Variants in KDM7A observed in about 807,000 individuals in gnomAD.
The protein encoded by KDM7A is lysine demethylase 7A, also known as lysine-specific demethylase 7A.
A neutral mutation model predicts 114.8 loss-of-function variants in KDM7A; 28 were observed. The observed-to-expected ratio is 0.24, with a 90% CI of 0.18 to 0.33. The LOEUF is 0.33. KDM7A is among the 10% of genes least tolerant of loss of function. The pLI is 1.00. For missense variants in KDM7A, 942 were observed against 1,142.5 expected (o/e 0.82, Z 2.53); for synonymous variants, 423 against 397.8 (o/e 1.06, Z -0.75).
intron 2 of KDM7A, among the ~76,000 whole-genome samples, chr7:140,137,136 G>C (rs994685673): frequency 1.3e-5 from 2 of 152,304 alleles, no homozygotes; most frequent in African/African-American, 4.8e-5. Context: ...ACTGGATCTT[G>C]GGTGTTTTCC....
chr7:140,128,075 G>A lies in KDM7A; in HGVS notation c.560-492C>T, dbSNP rs562734745. Among the ~76,000 whole-genome samples, 8 of 152,160 alleles carry A rather than the reference G, an allele frequency of 5.3e-5. No individual in the cohort carries two copies. In the South Asian group the frequency reaches 1.7e-3, roughly 32 times the overall value. On this transcript the variant is annotated intron_variant, in intron 4 of 19. Transcript: ENST00000397560. ...GGGAATTAGCATGCAAGTTGACCAG[G>A]ATAATTTCTGCCCTCCTGATACTGT...
chr7:140,111,063 T>C (rs1295968997), intron 11 of KDM7A, 32 bp downstream of exon 11: 2 of 1,187,138 alleles, frequency 1.7e-6, no homozygotes, highest in Non-Finnish European at 2.5e-6. Flanking sequence ...CAGATAATAA[T>C]CAAGCATTTA....
chr7:140,173,288 C>A (rs1199823238), intron 1 of KDM7A, among the ~76,000 whole-genome samples: 1 of 152,096 alleles, frequency 6.6e-6, no homozygotes, highest in Non-Finnish European at 1.5e-5. Context: ...CCCTGCCTGG[C>A]AAGTGTTCTT....
intron 1 of KDM7A, among the ~76,000 whole-genome samples, chr7:140,162,071 C>T (rs1794525993): frequency 6.6e-6 from 1 of 152,098 alleles, no homozygotes; most frequent in Non-Finnish European, 1.5e-5. Flanking sequence ...CATGGTGGCT[C>T]ACACCTGTAA....
chr7:140,103,107 C>G (rs1014778737), intron 11 of KDM7A, among the ~76,000 whole-genome samples: 2 of 152,134 alleles, frequency 1.3e-5, no homozygotes, highest in Admixed American at 6.5e-5. Flanking sequence ...AAACTGTACC[C>G]ACTACACAAT....
intron 1 of KDM7A, among the ~76,000 whole-genome samples, chr7:140,164,385 T>C (rs1794552371): frequency 6.6e-6 from 1 of 152,138 alleles, no homozygotes. Flanking sequence ...GTGCAGAATG[T>C]TTAGTAGCAT....
In KDM7A at chr7:140,099,990, T is replaced by G; in HGVS notation, c.1672A>C (p.Asn558His). ...ILSSKLNGKF[N>H]KHLQPSSTVP... ...GTGGAGGATGGTTGGAGATGTTTGT[T>G]GAATTTTCCATTCAGTTTAGAGCTC... is the stretch of plus-strand genomic sequence containing the variant. The change falls in exon 13 of 20, where the codon AAC becomes CAC. Residue 558 changes from asparagine to histidine, a missense_variant. This residue lies in a region of KDM7A where 512 missense variants were observed against 576.6 expected (regional missense o/e 0.89). Transcript: ENST00000397560. The G allele has an allele frequency of 6.2e-7, 1 of 1,614,066 alleles. No homozygotes were observed. The highest frequency in any genetic ancestry group is 8.5e-7 in the Non-Finnish European group (1 of 1,179,874).
At chr7:140,091,704 G>T in intron 19 of KDM7A, 100 bp downstream of exon 19, 1 of 1,280,440 alleles carries the variant, frequency 7.8e-7, no homozygotes, top group Non-Finnish European at 1.1e-6. Flanking sequence ...CTATGCATGA[G>T]ATGTTGAACA....
At chr7:140,154,756 T>C (rs913601651) in intron 1 of KDM7A, among the ~76,000 whole-genome samples, 2 of 152,032 alleles carry the variant, frequency 1.3e-5, no homozygotes, top group African/African-American at 4.8e-5. Flanking sequence ...CCCTTTTTTT[T>C]TCCCCACAAA....
At chr7:140,132,514 A>C (rs1159379017) in intron 3 of KDM7A, among the ~76,000 whole-genome samples, 1 of 152,222 alleles carries the variant, frequency 6.6e-6, no homozygotes, top group Non-Finnish European at 1.5e-5. Context: ...CACCAGAAGC[A>C]GACTGAAAAC....
intron 9 of KDM7A, among the ~76,000 whole-genome samples, chr7:140,118,543 T>C: frequency 6.6e-6 from 1 of 151,908 alleles, no homozygotes; most frequent in Non-Finnish European, 1.5e-5. Context: ...GTAGCTGGGA[T>C]TACAGGCATG....
chr7:140,100,673 T>TATACAC (rs1451579945), intron 12 of KDM7A, among the ~76,000 whole-genome samples: 1 of 39,540 alleles, frequency 2.5e-5, no homozygotes, highest in Non-Finnish European at 4.8e-5. Flanking sequence ...TATATATATA[T>TATACAC]ATATATACAT....
chr7:140,160,711 C>A (rs562720140), intron 1 of KDM7A, among the ~76,000 whole-genome samples: 3 of 152,034 alleles, frequency 2.0e-5, no homozygotes, highest in South Asian at 2.1e-4. Context: ...CAATTGCTTA[C>A]GGGGTAAAGA....
chr7:140,141,746 T>C (rs1794280043), intron 1 of KDM7A, among the ~76,000 whole-genome samples: 1 of 151,486 alleles, frequency 6.6e-6, no homozygotes, highest in African/African-American at 2.4e-5. Flanking sequence ...ATACAAAAAT[T>C]AGCCAGGCAT....
chr7:140,152,741 G>A lies in KDM7A; in HGVS notation c.195-13551C>T, dbSNP rs573272509. ...AGCAAGCACTGGACCATTCTATTTC[G>A]AAACATACAAGTCAGGGCAATATGT... On this transcript the variant is annotated intron_variant, in intron 1 of 19. Transcript: ENST00000397560. Among the ~76,000 whole-genome samples, 15 of 152,258 alleles carry A rather than the reference G, an allele frequency of 9.9e-5. No homozygotes were observed. The South Asian group carries it at 2.9e-3, about 29-fold the overall frequency.
intron 1 of KDM7A, among the ~76,000 whole-genome samples, chr7:140,140,251 A>C (rs1794249914): frequency 6.6e-6 from 1 of 152,212 alleles, no homozygotes; most frequent in Non-Finnish European, 1.5e-5. Context: ...GGTTTTTAAC[A>C]CTAAAAATCT....
chr7:140,149,908 A>C (rs1414000080), intron 1 of KDM7A, among the ~76,000 whole-genome samples: 5 of 152,224 alleles, frequency 3.3e-5, no homozygotes, highest in Non-Finnish European at 7.3e-5. Flanking sequence ...TGAAGTGTGT[A>C]TATACATAAC....
intron 11 of KDM7A, among the ~76,000 whole-genome samples, chr7:140,110,368 T>C (rs1015641051): frequency 1.4e-4 from 21 of 152,314 alleles, no homozygotes; most frequent in Non-Finnish European, 2.6e-4. Context: ...TTCTCCTCTA[T>C]CTGAACACAT....
intron 7 of KDM7A, among the ~76,000 whole-genome samples, chr7:140,123,551 T>C (rs1024444944): frequency 5.3e-5 from 8 of 152,132 alleles, no homozygotes; most frequent in African/African-American, 9.7e-5. Flanking sequence ...CTTGGAATAT[T>C]TGCATTACAT....
Sources: allele counts gnomAD v4.1 joint callset (sites outside exome capture counted in the v4.1 genomes callset), GRCh38; gene constraint gnomAD v4.1.1; regional missense constraint gnomAD v4.1.1; transcripts MANE v1.5; gene names NCBI Gene and HGNC (gene_info 2026-07-23, HGNC 2026-07-21).